Variants in TTC39C observed in about 807,000 individuals in gnomAD.
The protein encoded by TTC39C is tetratricopeptide repeat domain 39C.
In TTC39C, 33 loss-of-function variants were observed where a neutral mutation model predicts 76.3. The ratio of observed to expected loss-of-function variants is 0.43; its 90% CI spans 0.33 to 0.58. The LOEUF (loss-of-function observed/expected upper bound fraction) is 0.58, where lower values mean the gene tolerates loss of function less well. Ranked by LOEUF, TTC39C falls within the 20% of genes least tolerant of loss-of-function variation. The pLI is 0.04. For synonymous variants in TTC39C, 254 were observed against 260.6 expected (o/e 0.97, Z 0.24); for missense variants, 595 against 701.4 (o/e 0.85, Z 1.71).
intron 6 of TTC39C, among the ~76,000 whole-genome samples, chr18:24,104,910 C>T (rs2084727948): frequency 6.6e-6 from 1 of 152,086 alleles, no homozygotes; most frequent in Non-Finnish European, 1.5e-5. Context: ...GTATTAAAAG[C>T]TCCATCTCCC....
intron 1 of TTC39C, among the ~76,000 whole-genome samples, chr18:24,036,619 G>A (rs1377530186): frequency 6.6e-6 from 1 of 151,988 alleles, no homozygotes; most frequent in East Asian, 1.9e-4. Context: ...AATTTTTAGG[G>A]GATATTTTTG....
intron 1 of TTC39C, among the ~76,000 whole-genome samples, chr18:24,046,973 C>G (rs1367689404): frequency 6.6e-6 from 1 of 151,808 alleles, no homozygotes; most frequent in African/African-American, 2.4e-5. Context: ...CTTAACTTTC[C>G]CTAAATATCA....
chr18:23,995,303 A>G (rs1157039648), intron 1 of TTC39C, among the ~76,000 whole-genome samples: 1 of 151,988 alleles, frequency 6.6e-6, no homozygotes, highest in Non-Finnish European at 1.5e-5. Flanking sequence ...CCCCATCTCC[A>G]CTAAAAATAC....
At chr18:24,086,000 G>A (rs950705811) in intron 6 of TTC39C, among the ~76,000 whole-genome samples, 2 of 152,228 alleles carry the variant, frequency 1.3e-5, no homozygotes, top group African/African-American at 4.8e-5. Context: ...TGCAGATGAG[G>A]AACTCTGCCC....
chr18:24,066,390 C>A (rs1021238857), intron 3 of TTC39C, among the ~76,000 whole-genome samples: 1 of 152,046 alleles, frequency 6.6e-6, no homozygotes, highest in African/African-American at 2.4e-5. Context: ...CATAATGGGC[C>A]GTGTGGGAAG....
At chr18:24,096,157 C>G (rs1249807697) in intron 6 of TTC39C, among the ~76,000 whole-genome samples, 1 of 152,120 alleles carries the variant, frequency 6.6e-6, no homozygotes, top group Non-Finnish European at 1.5e-5. Context: ...AAATGTGACA[C>G]AGAGACACGA....
chr18:24,012,169 C>CCCATTTTGAA (rs77518920), upstream of TTC39C, among the ~76,000 whole-genome samples: 87,697 of 151,718 alleles, frequency 0.58, 28,280 homozygotes, highest in Non-Finnish European at 0.75. Flanking sequence ...GATTTGGAGG[C>CCCATTTTGAA]TCTTTTTGTA....
chr18:24,129,878 T>G (rs1387783353), intron 11 of TTC39C, among the ~76,000 whole-genome samples: 2 of 152,184 alleles, frequency 1.3e-5, no homozygotes, highest in East Asian at 3.8e-4. Context: ...AGTATGGGCT[T>G]ATGATAGTTA....
chr18:24,107,889 G>GGGT (rs1555776834), intron 6 of TTC39C, among the ~76,000 whole-genome samples: 1 of 16,700 alleles, frequency 6.0e-5, no homozygotes, highest in African/African-American at 1.1e-4. Flanking sequence ...CTCCCAAGTA[G>GGGT]GGGGGGGGGT....
At position 24,021,006 on chromosome 18, in the gene TTC39C, A is replaced by G. The variant is rs528523444; in HGVS notation, c.167+5968A>G. Among the ~76,000 whole-genome samples, 3 of 152,200 alleles carry G rather than the reference A, an allele frequency of 2.0e-5. No homozygotes were observed. In the South Asian group the frequency reaches 6.2e-4, roughly 32 times the overall value. ...CAAACGTGGTATTTCAGGAGCCTAG[A>G]CCTTTCACGCAGCCTGTTTTAGTTC... On this transcript the variant is annotated intron_variant, in intron 1 of 13. Transcript: ENST00000317571.
At position 24,119,869 on chromosome 18, in the gene TTC39C, C is replaced by T. The variant is rs540926529; in HGVS notation, c.1186+1637C>T. Among the ~76,000 whole-genome samples, 52 of 152,222 alleles carry T rather than the reference C, an allele frequency of 3.4e-4. No individual in the cohort carries two copies. The East Asian group carries it at 8.7e-3, about 25-fold the overall frequency. The stretch of plus-strand genomic sequence containing the variant: ...CCGCAGCCATTAGGTGTAATTGGGC[C>T]GCACAGTCGATGGTGGACAGCTATT... On this transcript the variant is annotated intron_variant, in intron 8 of 13. Transcript: ENST00000317571.
At position 24,118,188 on chromosome 18, in the gene TTC39C, A is replaced by C; in HGVS notation, c.1142A>C (p.Asn381Thr). 1 of 1,614,110 alleles carries C rather than the reference A, an allele frequency of 6.2e-7. No homozygotes were observed. The highest frequency in any genetic ancestry group is 1.1e-5 in the South Asian group (1 of 91,066). The change falls in exon 8 of 14, where the codon AAT becomes ACT. Residue 381 changes from asparagine to threonine, a missense_variant. Coordinates refer to ENST00000317571, the MANE Select transcript of TTC39C (RefSeq NM_001135993.2). ...DAFDSFERLK[N>T]ESRWSQCYYA... is the part of the protein sequence containing the mutation. ...TTTGATTCCTTTGAGAGGCTAAAAAATGAGTCCAGGTGGTCCCAGTGCTAT... is the reference window on the plus strand; with the variant it reads ...TTTGATTCCTTTGAGAGGCTAAAAACTGAGTCCAGGTGGTCCCAGTGCTAT...
rs944951466 is a variant in TTC39C, at chr18:24,095,554, C to T, written c.984+12473C>T. ...TCTCTACTAAAAATACAAAAATTAG[C>T]GGGACATGGTAGCACATACCTGTAA... On this transcript the variant is annotated intron_variant, in intron 6 of 13. Transcript: ENST00000317571. Among the ~76,000 whole-genome samples, 15 of 152,114 alleles carry T rather than the reference C, an allele frequency of 9.9e-5. 1 individual carries two copies. In the South Asian group the frequency reaches 1.5e-3, roughly 15 times the overall value.
chr18:24,001,884 G>A (rs1476622735), intron 1 of TTC39C, among the ~76,000 whole-genome samples: 1 of 144,044 alleles, frequency 6.9e-6, no homozygotes, highest in Non-Finnish European at 1.5e-5. Flanking sequence ...GGAGTGCAGT[G>A]GCGCAATCTC....
At chr18:24,111,449 G>T (rs1016843482) in intron 6 of TTC39C, among the ~76,000 whole-genome samples, 3 of 151,674 alleles carry the variant, frequency 2.0e-5, no homozygotes, top group Non-Finnish European at 4.4e-5. Flanking sequence ...CATGCCTGTA[G>T]TCCCAGCTAC....
intron 6 of TTC39C, among the ~76,000 whole-genome samples, chr18:24,108,500 G>C (rs2084774089): frequency 6.6e-6 from 1 of 152,176 alleles, no homozygotes; most frequent in African/African-American, 2.4e-5. Flanking sequence ...GTTAGGTATT[G>C]CTGGTGAGCA....
intron 1 of TTC39C, among the ~76,000 whole-genome samples, chr18:24,035,060 GAGAC>G (rs777311158): frequency 1.7e-4 from 25 of 150,432 alleles, no homozygotes; most frequent in Middle Eastern, 3.4e-3. Flanking sequence ...TTTTTTTAAA[GAGAC>G]AGAATCTGGT....
intron 4 of TTC39C, among the ~76,000 whole-genome samples, chr18:24,080,177 C>T (rs1377530216): frequency 6.6e-6 from 1 of 152,058 alleles, no homozygotes; most frequent in Non-Finnish European, 1.5e-5. Context: ...ACAGGGTAGA[C>T]AAATGCAAGG....
At chr18:24,113,132 C>T (rs2084837811) in intron 6 of TTC39C, among the ~76,000 whole-genome samples, 1 of 152,216 alleles carries the variant, frequency 6.6e-6, no homozygotes, top group Admixed American at 6.5e-5. Flanking sequence ...CTGTGGCTAC[C>T]TGGTCAGCAT....
Sources: allele counts gnomAD v4.1 joint callset (sites outside exome capture counted in the v4.1 genomes callset), GRCh38; gene constraint gnomAD v4.1.1; transcripts MANE v1.5; gene names NCBI Gene and HGNC (gene_info 2026-07-23, HGNC 2026-07-21).